Variants in SNAPC3 observed in about 807,000 individuals in gnomAD.
SNAPC3 encodes the protein small nuclear RNA activating complex polypeptide 3, also known as snRNA-activating protein complex subunit 3.
In SNAPC3, 56 loss-of-function variants were observed where a neutral mutation model predicts 47.7. That is an observed-to-expected ratio of 1.18 (90% confidence interval 0.95 to 1.47). SNAPC3 has a LOEUF of 1.47. Ranked by LOEUF, SNAPC3 falls within the 40% of genes most tolerant of loss-of-function variation. SNAPC3 has a pLI of 0.00. For synonymous variants in SNAPC3, 235 were observed against 189.9 expected (o/e 1.24, Z -1.95); for missense variants, 665 against 511.3 (o/e 1.30, Z -2.90).
At chr9:15,445,296 A>C (rs1389423597) in intron 4 of SNAPC3, among the ~76,000 whole-genome samples, 3 of 152,258 alleles carry the variant, frequency 2.0e-5, no homozygotes. Flanking sequence ...ATGTAAATCC[A>C]TAATGATTCT....
At chr9:15,442,467 G>A (rs1274762937) in intron 3 of SNAPC3, among the ~76,000 whole-genome samples, 1 of 150,190 alleles carries the variant, frequency 6.7e-6, no homozygotes, top group Non-Finnish European at 1.5e-5. Context: ...GGCGGCTGCT[G>A]GGCGGAGGGG....
chr9:15,442,197 G>A (rs186308243), intron 3 of SNAPC3, among the ~76,000 whole-genome samples: 2 of 148,288 alleles, frequency 1.3e-5, no homozygotes, highest in African/African-American at 2.5e-5. Context: ...CTGGCCGGGC[G>A]GGGGCTGCCC....
intron 7 of SNAPC3, among the ~76,000 whole-genome samples, chr9:15,453,760 T>C (rs953393907): frequency 6.6e-6 from 1 of 152,210 alleles, no homozygotes; most frequent in Non-Finnish European, 1.5e-5. Context: ...ATTTCCTCTT[T>C]ATTTAGGAAA....
At chr9:15,464,792 C>A (rs1464781415), downstream of SNAPC3, 3 of 206,350 alleles carry the variant, frequency 1.5e-5, no homozygotes, top group Non-Finnish European at 3.0e-5. Context: ...CCTATATATA[C>A]CCAGTCAGTT....
intron 3 of SNAPC3, among the ~76,000 whole-genome samples, chr9:15,440,948 C>CAAA (rs1199527486): frequency 5.8e-5 from 7 of 121,612 alleles, no homozygotes; most frequent in African/African-American, 1.3e-4. Flanking sequence ...GACTCCGTCT[C>CAAA]AAAAAAAAAA....
chr9:15,465,383 C>G (rs1014055594), downstream of SNAPC3: 2 of 716,194 alleles, frequency 2.8e-6, no homozygotes, highest in African/African-American at 3.7e-5. Flanking sequence ...TACTTTAAAA[C>G]AAAGGGATTT....
chr9:15,427,623 A>T (rs757113086), intron 2 of SNAPC3, among the ~76,000 whole-genome samples: 24 of 152,196 alleles, frequency 1.6e-4, no homozygotes, highest in Non-Finnish European at 3.2e-4. Context: ...CTGGTATTAC[A>T]GGCGTGAGCC....
chr9:15,443,858 A>G (rs1229252969), intron 3 of SNAPC3, among the ~76,000 whole-genome samples: 1 of 152,224 alleles, frequency 6.6e-6, no homozygotes, highest in South Asian at 2.1e-4. Context: ...GTGCTTACTA[A>G]TGAAAAGCAG....
In SNAPC3 at chr9:15,449,570, T is replaced by A. The variant is rs1241966413; in HGVS notation, c.733-1750T>A. ...ATATATATATATATATATATTTTTT[T>A]TTTTTTTTTTTTTTTTTGAGACAGA... On this transcript the variant is annotated intron_variant, in intron 5 of 8. Coordinates refer to ENST00000380821, the MANE Select transcript of SNAPC3 (RefSeq NM_001039697.2). Among the ~76,000 whole-genome samples, 303 of 119,664 alleles carry A rather than the reference T, an allele frequency of 2.5e-3. 1 individual carries two copies. The highest frequency in any genetic ancestry group is 6.9e-3 in the African/African-American group (183 of 26,548). The allele number at this position is 119,664 out of a possible 152,430, so 78.5% of individuals were successfully genotyped here.
chr9:15,458,171 AAAT>A, intron 8 of SNAPC3, 104 bp downstream of exon 8: 1 of 610,044 alleles, frequency 1.6e-6, no homozygotes, highest in Non-Finnish European at 2.8e-6. Flanking sequence ...TTTAGGTTAT[AAAT>A]ATGAAGTATC....
intron 5 of SNAPC3, among the ~76,000 whole-genome samples, chr9:15,450,926 A>G (rs901862317): frequency 6.6e-6 from 1 of 152,220 alleles, no homozygotes; most frequent in African/African-American, 2.4e-5. Context: ...CTGAAAATAT[A>G]AAGAGAGAAT....
chr9:15,436,607 AT>A (rs2032825968), intron 3 of SNAPC3, among the ~76,000 whole-genome samples: 1 of 152,060 alleles, frequency 6.6e-6, no homozygotes, highest in African/African-American at 2.4e-5. Flanking sequence ...GTTTTTCAAG[AT>A]TGTTTTGACT....
At chr9:15,441,448 G>T (rs1384916622) in intron 3 of SNAPC3, among the ~76,000 whole-genome samples, 1 of 146,866 alleles carries the variant, frequency 6.8e-6, no homozygotes, top group African/African-American at 2.6e-5. Context: ...CGAGGAGGGG[G>T]ATTTGGCAGG....
At chr9:15,466,172 G>A (rs2035611533), downstream of SNAPC3, among the ~76,000 whole-genome samples, 1 of 152,240 alleles carries the variant, frequency 6.6e-6, no homozygotes, top group Non-Finnish European at 1.5e-5. Context: ...GAGGTCAGGA[G>A]TTCGAGGCCG....
At position 15,423,945 on chromosome 9, in the gene SNAPC3, TC is replaced by T; in HGVS notation, c.353del (p.Pro118GlnfsTer11). The T allele has an allele frequency of 1.3e-6, 2 of 1,590,342 alleles. No individual in the cohort carries two copies. The highest frequency in any genetic ancestry group is 1.2e-5 in the South Asian group (1 of 86,594). On this transcript the variant is annotated frameshift_variant, in exon 2 of 9. Transcript: ENST00000380821. LOFTEE classifies it high-confidence loss of function. ...KLKCLEDGED[P>X]EVIPENTDLV... ...TGAAATGCCTTGAGGACGGTGAGGA[TC>T]CAGAAGTCATTCCGGAGAATACTGA...
At chr9:15,446,242 G>GGCCTT (rs1179037693) in intron 4 of SNAPC3, among the ~76,000 whole-genome samples, 1 of 152,142 alleles carries the variant, frequency 6.6e-6, no homozygotes, top group Non-Finnish European at 1.5e-5. Context: ...TTTGAGACAG[G>GGCCTT]GCCTTGCTCC....
At chr9:15,425,942 A>G (rs1587139488) in intron 2 of SNAPC3, among the ~76,000 whole-genome samples, 1 of 151,146 alleles carries the variant, frequency 6.6e-6, no homozygotes, top group South Asian at 2.1e-4. Flanking sequence ...GCTCACGGCA[A>G]CCTCCGCCTC....
intron 2 of SNAPC3, chr9:15,431,843 A>T (rs62570973): frequency 6.6e-6 from 1 of 150,644 alleles, no homozygotes; most frequent in South Asian, 2.1e-4. Context: ...ACCACTGAAA[A>T]GGGTGGGGAA....
downstream of SNAPC3, chr9:15,464,089 A>G (rs1332046540): frequency 5.6e-6 from 1 of 178,766 alleles, no homozygotes; most frequent in African/African-American, 2.4e-5. Flanking sequence ...TTCTTTAATG[A>G]AAACAAGTTT....
Sources: allele counts gnomAD v4.1 joint callset (sites outside exome capture counted in the v4.1 genomes callset), GRCh38; gene constraint gnomAD v4.1.1; transcripts MANE v1.5; gene names NCBI Gene and HGNC (gene_info 2026-07-23, HGNC 2026-07-21).